GPD1L: variants seen among roughly 807,000 people sequenced by gnomAD.
The protein encoded by GPD1L is glycerol-3-phosphate dehydrogenase 1-like protein.
A neutral mutation model predicts 32.9 loss-of-function variants in GPD1L; 17 were observed. The ratio of observed to expected loss-of-function variants is 0.52; its 90% CI spans 0.35 to 0.78. The LOEUF is 0.78. Ranked by LOEUF, GPD1L falls within the 30% of genes least tolerant of loss-of-function variation. The pLI is 0.01. For missense variants in GPD1L, 361 were observed against 447.8 expected (o/e 0.81, Z 1.75); for synonymous variants, 187 against 165.9 (o/e 1.13, Z -0.98).
At chr3:32,165,190 A>G (rs927169769) in intron 7 of GPD1L, among the ~76,000 whole-genome samples, 1 of 152,228 alleles carries the variant, frequency 6.6e-6, no homozygotes, top group African/African-American at 2.4e-5. Flanking sequence ...TGGGCGATAG[A>G]GTGAGACTTT....
chr3:32,138,621 A>C lies in GPD1L; in HGVS notation c.260A>C (p.Asp87Ala), dbSNP rs781503701. 2 of 1,613,988 alleles carry C rather than the reference A, an allele frequency of 1.2e-6. No homozygotes were observed. Among genetic ancestry groups the C allele is most frequent in the South Asian group, 2.2e-5 (2 of 91,076 alleles). Residue 87 changes from aspartate (D) to alanine (A), a missense_variant, in exon 3 of 8, where the codon GAT becomes GCT. Transcript: ENST00000282541. ...AMSNLSEAVQ[D>A]ADLLVFVIPH... is the part of the protein sequence containing the mutation. ...TCAAATCTTAGCGAGGCTGTGCAGG[A>C]TGCAGACCTGCTGGTGTTTGTCATT...
chr3:32,147,391 C>A (rs546909660), intron 5 of GPD1L, among the ~76,000 whole-genome samples: 15 of 152,174 alleles, frequency 9.9e-5, no homozygotes, highest in Non-Finnish European at 2.1e-4. Context: ...GTACAAAAAT[C>A]ATAAGTATGT....
intron 1 of GPD1L, among the ~76,000 whole-genome samples, chr3:32,110,381 T>A (rs1485212496): frequency 6.6e-6 from 1 of 152,240 alleles, no homozygotes; most frequent in Non-Finnish European, 1.5e-5. Context: ...AGACCTACCC[T>A]TCCAGATCTG....
At position 32,106,640 on chromosome 3, in the gene GPD1L, G is replaced by T. The variant is rs993766888; in HGVS notation, c.-72G>T. The T allele has an allele frequency of 2.9e-5, 41 of 1,396,508 alleles. 1 individual carries two copies. Among genetic ancestry groups the T allele is most frequent in the Middle Eastern group, 4.1e-4 (2 of 4,824 alleles). The allele number at this position is 1,396,508 out of a possible 1,614,324, so 86.5% of individuals were successfully genotyped here. On this transcript the variant is annotated 5_prime_UTR_variant, in exon 1 of 8. Coordinates refer to ENST00000282541, the MANE Select transcript of GPD1L (RefSeq NM_015141.4). The surrounding 1 kb of genome is among the most constrained non-coding windows in gnomAD (Gnocchi z 4.0). Reference sequence around the variant, plus strand: ...GCGGGGCCGCCGCCAGCCGCTGCGGGCAAGGCTGAACAGGCGGAGGTGGGC... The same window carrying T: ...GCGGGGCCGCCGCCAGCCGCTGCGGTCAAGGCTGAACAGGCGGAGGTGGGC...
intron 1 of GPD1L, among the ~76,000 whole-genome samples, chr3:32,107,231 C>T (rs1280053677): frequency 6.6e-6 from 1 of 152,170 alleles, no homozygotes; most frequent in Non-Finnish European, 1.5e-5. Flanking sequence ...GCGGGGCATG[C>T]TCTGCCCTTC....
chr3:32,134,850 A>G lies in GPD1L; in HGVS notation c.226-3737A>G, dbSNP rs77567026. Among the ~76,000 whole-genome samples the G allele has an allele frequency of 0.024, 3,606 of 152,324 alleles. 295 individuals are homozygous for G. The East Asian group carries it at 0.25, about 11-fold the overall frequency. ...ATTTCTTAAAAGTTAAGGATTTGCA[A>G]GACACGGGTAGATTTTTCTGATGAA... On this transcript the variant is annotated intron_variant, in intron 2 of 7. Transcript: ENST00000282541.
At chr3:32,110,785 C>T (rs1700234207) in intron 1 of GPD1L, among the ~76,000 whole-genome samples, 1 of 152,214 alleles carries the variant, frequency 6.6e-6, no homozygotes, top group Non-Finnish European at 1.5e-5. Context: ...CATGACTTTT[C>T]CTGACCCTGT....
chr3:32,120,666 C>T (rs767187213), intron 1 of GPD1L, among the ~76,000 whole-genome samples: 1 of 152,126 alleles, frequency 6.6e-6, no homozygotes, highest in Admixed American at 6.5e-5. Flanking sequence ...CTCTCCTAGT[C>T]ATTTACAATG....
At chr3:32,137,409 T>C (rs1166412160) in intron 2 of GPD1L, among the ~76,000 whole-genome samples, 1 of 152,186 alleles carries the variant, frequency 6.6e-6, no homozygotes, top group Non-Finnish European at 1.5e-5. Context: ...CTCCTTCTGC[T>C]CTAAGATGAC....
intron 1 of GPD1L, among the ~76,000 whole-genome samples, chr3:32,124,956 G>T (rs1180156376): frequency 6.6e-6 from 1 of 151,996 alleles, no homozygotes; most frequent in Non-Finnish European, 1.5e-5. Flanking sequence ...GCCAAAGGGG[G>T]TTAAAACAAA....
chr3:32,152,679 C>T (rs928658822), intron 5 of GPD1L, among the ~76,000 whole-genome samples: 1 of 152,176 alleles, frequency 6.6e-6, no homozygotes, highest in Admixed American at 6.5e-5. Flanking sequence ...AACACTGCCA[C>T]AGTGGCCACC....
At chr3:32,139,005 A>G (rs1391135518) in intron 3 of GPD1L, among the ~76,000 whole-genome samples, 1 of 152,152 alleles carries the variant, frequency 6.6e-6, no homozygotes, top group Non-Finnish European at 1.5e-5. Context: ...TGCCATCTGG[A>G]AAGCACCAGC....
chr3:32,158,612 C>T (rs376459428), intron 5 of GPD1L: 16 of 623,920 alleles, frequency 2.6e-5, no homozygotes, highest in African/African-American at 7.4e-5. Flanking sequence ...TACTATCAGC[C>T]GTTCTGATTT....
intron 1 of GPD1L, among the ~76,000 whole-genome samples, chr3:32,120,461 G>A (rs1559570027): frequency 6.6e-6 from 1 of 152,160 alleles, no homozygotes; most frequent in East Asian, 1.9e-4. Context: ...AAGGCTTAAT[G>A]CATAGTTACA....
rs549253831 is a variant in GPD1L at position 32,152,849 on chromosome 3, A to G, written c.619-6027A>G. On this transcript the variant is annotated intron_variant, in intron 5 of 7. Transcript: ENST00000282541. Reference sequence around the variant, plus strand: ...AAAAAAGAAGAAAGAAAGAAAGAAAAAAAAAAAAAGACAGACAAAGAGCAC... The same window carrying G: ...AAAAAAGAAGAAAGAAAGAAAGAAAGAAAAAAAAAGACAGACAAAGAGCAC... Among the ~76,000 whole-genome samples the G allele has an allele frequency of 7.0e-4, 87 of 124,492 alleles. 1 individual carries two copies. The East Asian group carries it at 0.015, about 21-fold the overall frequency. The allele number at this position is 124,492 out of a possible 152,430, so 81.7% of individuals were successfully genotyped here.
chr3:32,152,334 C>T (rs1006461040), intron 5 of GPD1L, among the ~76,000 whole-genome samples: 1 of 152,198 alleles, frequency 6.6e-6, no homozygotes, highest in Non-Finnish European at 1.5e-5. Flanking sequence ...TCTTCCAGCT[C>T]ACTTGGTGCT....
intron 7 of GPD1L, among the ~76,000 whole-genome samples, chr3:32,164,991 G>C (rs1380739646): frequency 2.0e-5 from 3 of 152,108 alleles, no homozygotes; most frequent in Non-Finnish European, 2.9e-5. Context: ...GGATCATGAG[G>C]TTAGGAGTTT....
At chr3:32,156,774 T>G (rs755212062) in intron 5 of GPD1L, among the ~76,000 whole-genome samples, 6 of 152,232 alleles carry the variant, frequency 3.9e-5, no homozygotes, top group Non-Finnish European at 8.8e-5. Flanking sequence ...GAAGACATTT[T>G]TATTCCCCAG....
At chr3:32,154,841 C>T (rs995551744) in intron 5 of GPD1L, among the ~76,000 whole-genome samples, 7 of 151,988 alleles carry the variant, frequency 4.6e-5, no homozygotes, top group African/African-American at 1.7e-4. Context: ...TCCGCCTCCC[C>T]AGCTCAAGTG....
Sources: gnomAD v4.1 joint callset for allele counts (sites outside exome capture counted in the v4.1 genomes callset) on GRCh38, gnomAD v4.1.1 for gene constraint, Gnocchi (gnomAD v3.1) non-coding constraint, MANE v1.5 for transcripts, NCBI Gene and HGNC (gene_info 2026-07-23, HGNC 2026-07-21) for gene names.